SCO1: variants seen among roughly 807,000 people sequenced by gnomAD.
SCO1 encodes synthesis of cytochrome C oxidase 1, also known as cytochrome c oxidase assembly factor SCO1.
In SCO1, 23 loss-of-function variants were observed where a neutral mutation model predicts 34.0. The observed-to-expected ratio is 0.68, with a 90% confidence interval of 0.49 to 0.96. The LOEUF (loss-of-function observed/expected upper bound fraction) is 0.96. Among genes scored for constraint, SCO1 ranks in the 40% least tolerant of loss-of-function variants. The probability of loss-of-function intolerance (pLI) is 0.00; values close to 1 mark genes in which losing one functional copy is unlikely to be tolerated. For missense variants in SCO1, 404 were observed against 381.6 expected (o/e 1.06, Z -0.49); for synonymous variants, 161 against 145.5 (o/e 1.11, Z -0.77).
Position 10,677,736 on chromosome 17 carries a change from T to A in SCO1, c.*3383A>T, listed in dbSNP as rs1415539072. 2 of 152,224 alleles carry A rather than the reference T, an allele frequency of 1.3e-5. No individual in the cohort carries two copies. Among genetic ancestry groups the A allele is most frequent in the African/African-American group, 4.8e-5 (2 of 41,452 alleles). The allele number at this position is 152,224 out of a possible 1,614,324, so 9.4% of individuals were successfully genotyped here. ...ATACTTTTCAAATAAACAAGTGGCATTTCTTAAAATATTAATTCTATTGAA... is the reference window on the plus strand; with the variant it reads ...ATACTTTTCAAATAAACAAGTGGCAATTCTTAAAATATTAATTCTATTGAA... On this transcript the variant is annotated 3_prime_UTR_variant, in exon 6 of 6. Coordinates refer to ENST00000255390, the MANE Select transcript of SCO1 (RefSeq NM_004589.4).
chr17:10,678,588 G>T lies in SCO1; in HGVS notation c.*2531C>A, dbSNP rs2074597836. 1 of 152,200 alleles carries T rather than the reference G, an allele frequency of 6.6e-6. No homozygotes were observed. The highest frequency in any genetic ancestry group is 1.5e-5 in the Non-Finnish European group (1 of 68,044). 9.4% of individuals were successfully genotyped at this position (152,200 alleles called of 1,614,324 possible). On this transcript the variant is annotated 3_prime_UTR_variant, in exon 6 of 6. Coordinates refer to ENST00000255390, the MANE Select transcript of SCO1 (RefSeq NM_004589.4). ...GCTTAAAACAGATAATCTTTTTAAA[G>T]ATTTGGCCTTTGAGATACTTAATAT...
chr17:10,696,500 C>A (rs1199843283), intron 1 of SCO1, among the ~76,000 whole-genome samples: 1 of 152,172 alleles, frequency 6.6e-6, no homozygotes, highest in Admixed American at 6.5e-5. Flanking sequence ...TCTGCTTATG[C>A]TGATACTGAG....
Position 10,681,061 on chromosome 17 carries a change from G to A in SCO1, c.*58C>T. 7 of 1,597,734 alleles carry A rather than the reference G, an allele frequency of 4.4e-6. No homozygotes were observed. Among genetic ancestry groups the A allele is most frequent in the Non-Finnish European group, 5.1e-6 (6 of 1,165,262 alleles). On this transcript the variant is annotated 3_prime_UTR_variant, in exon 6 of 6. Transcript: ENST00000255390. The stretch of plus-strand genomic sequence containing the variant: ...TGTTTATATTTATATAGGCTCCTAT[G>A]CGAGACAGTTTCCTTCCTCTTAGCA...
chr17:10,690,754 C>G (rs947386848), intron 4 of SCO1, among the ~76,000 whole-genome samples: 6 of 152,140 alleles, frequency 3.9e-5, no homozygotes, highest in Admixed American at 3.3e-4. Context: ...TACCACAGCA[C>G]TAATCACAAT....
At chr17:10,689,415 CATATA>C (rs1203263137) in intron 4 of SCO1, among the ~76,000 whole-genome samples, 15 of 148,834 alleles carry the variant, frequency 1.0e-4, no homozygotes, top group Non-Finnish European at 2.2e-4. Flanking sequence ...TTGAATGTGT[CATATA>C]ATATAAATAT....
chr17:10,678,219 TCAC>T lies in SCO1; in HGVS notation c.*2897_*2899del, dbSNP rs1357064357. On this transcript the variant is annotated 3_prime_UTR_variant, in exon 6 of 6. Transcript: ENST00000255390. Reference sequence around the variant, plus strand: ...TACGGAACCTCCGTTTTGGTTGGATTCACACAGTCACCATAAGCGCACGATAGC... The same window carrying T: ...TACGGAACCTCCGTTTTGGTTGGATTACAGTCACCATAAGCGCACGATAGC... The T allele has an allele frequency of 6.6e-6, 1 of 152,210 alleles. No individual in the cohort carries two copies. Among genetic ancestry groups the T allele is most frequent in the Non-Finnish European group, 1.5e-5 (1 of 68,038 alleles). The allele number at this position is 152,210 out of a possible 1,614,324, so 9.4% of individuals were successfully genotyped here. A position where few individuals can be genotyped will look rare whatever the true frequency, so the allele number is the denominator to read the frequency against.
chr17:10,673,768 T>A lies in SCO1; in HGVS notation c.*7351A>T, dbSNP rs1188001616. 1 of 152,198 alleles carries A rather than the reference T, an allele frequency of 6.6e-6. No homozygotes were observed. Among genetic ancestry groups the A allele is most frequent in the East Asian group, 1.9e-4 (1 of 5,190 alleles). 9.4% of individuals were successfully genotyped at this position (152,198 alleles called of 1,614,324 possible). A position where few individuals can be genotyped will look rare whatever the true frequency, so the allele number is the denominator to read the frequency against. ...GGCCCCACAGGGTAACCAAGCAGCA[T>A]CTCTCCCTGCTTTTTGATCATATTA... is the stretch of plus-strand genomic sequence containing the variant. On this transcript the variant is annotated 3_prime_UTR_variant, in exon 6 of 6. Transcript: ENST00000255390.
At chr17:10,689,111 G>A (rs1567574847) in intron 4 of SCO1, among the ~76,000 whole-genome samples, 1 of 33,824 alleles carries the variant, frequency 3.0e-5, no homozygotes. Context: ...GCGAGACTCC[G>A]TCTCAAAAAA....
At chr17:10,685,507 G>C (rs1567573889) in intron 5 of SCO1, among the ~76,000 whole-genome samples, 1 of 152,138 alleles carries the variant, frequency 6.6e-6, no homozygotes, top group African/African-American at 2.4e-5. Context: ...AAGGCTTCTG[G>C]GGCAGTGCTG....
chr17:10,681,340 T>G, intron 5 of SCO1, 87 bp from the exon 6 acceptor site: 1 of 1,358,816 alleles, frequency 7.4e-7, no homozygotes, highest in Non-Finnish European at 1.0e-6. Flanking sequence ...ATAAGAGAAC[T>G]TTACATTAAT....
Position 10,678,396 on chromosome 17 carries a change from C to T in SCO1, c.*2723G>A, listed in dbSNP as rs2074596111. ...CCACTTCTAACATTCTGACTTCAAGCCTTTAAACTTGACACTAGAATGAAG... is the reference window on the plus strand; with the variant it reads ...CCACTTCTAACATTCTGACTTCAAGTCTTTAAACTTGACACTAGAATGAAG... On this transcript the variant is annotated 3_prime_UTR_variant, in exon 6 of 6. Transcript: ENST00000255390. The T allele has an allele frequency of 6.6e-6, 1 of 152,154 alleles. No individual in the cohort carries two copies. The highest frequency in any genetic ancestry group is 6.5e-5 in the Admixed American group (1 of 15,284). The allele number at this position is 152,154 out of a possible 1,614,324, so 9.4% of individuals were successfully genotyped here.
In SCO1 at chr17:10,681,101, C is replaced by T. The variant is rs114082934; in HGVS notation, c.*18G>A. The T allele has an allele frequency of 2.1e-4, 344 of 1,614,148 alleles. 1 individual carries two copies. In the African/African-American group the frequency reaches 3.9e-3, roughly 18 times the overall value. On this transcript the variant is annotated 3_prime_UTR_variant, in exon 6 of 6. Coordinates refer to ENST00000255390, the MANE Select transcript of SCO1 (RefSeq NM_004589.4). ...TCCTCTTAGCAAGAGAATACTGCAT[C>T]CAGCAACACTGCTTTGGCTAGCTCT...
Position 10,680,800 on chromosome 17 carries a change from C to A in SCO1, c.*319G>T. 2.4e-6 allele frequency: 1 copy of A among 413,872 alleles called. No individual in the cohort carries two copies. The highest frequency in any genetic ancestry group is 5.2e-5 in the East Asian group (1 of 19,092). The allele number at this position is 413,872 out of a possible 1,614,324, so 25.6% of individuals were successfully genotyped here. A position where few individuals can be genotyped will look rare whatever the true frequency, so the allele number is the denominator to read the frequency against. Reference sequence around the variant, plus strand: ...GGCAAAGCTGCTGGGAGGGCCTGTTCGCAGGCAGGAATGCACTGGCTGTGC... The same window carrying A: ...GGCAAAGCTGCTGGGAGGGCCTGTTAGCAGGCAGGAATGCACTGGCTGTGC... On this transcript the variant is annotated 3_prime_UTR_variant, in exon 6 of 6. Transcript: ENST00000255390.
chr17:10,690,992 C>T (rs1033081372), intron 4 of SCO1, among the ~76,000 whole-genome samples: 1 of 152,130 alleles, frequency 6.6e-6, no homozygotes. Context: ...AAGTTGATCT[C>T]ACAGAAGTAG....
intron 4 of SCO1, among the ~76,000 whole-genome samples, chr17:10,688,924 G>T (rs1028053482): frequency 2.8e-5 from 4 of 141,548 alleles, no homozygotes; most frequent in African/African-American, 1.3e-4. Context: ...AGACCATCCC[G>T]GCTAAAACGG....
intron 4 of SCO1, among the ~76,000 whole-genome samples, chr17:10,690,397 C>T (rs1418125137): frequency 6.6e-6 from 1 of 152,122 alleles, no homozygotes; most frequent in East Asian, 1.9e-4. Flanking sequence ...AGACATTTCT[C>T]AATAGAAGGC....
Position 10,679,143 on chromosome 17 carries a change from T to A in SCO1, c.*1976A>T, listed in dbSNP as rs1428135048. 1.3e-5 allele frequency: 2 copies of A among 152,282 alleles called. No homozygotes were observed. The highest frequency in any genetic ancestry group is 3.8e-4 in the East Asian group (2 of 5,202). The allele number at this position is 152,282 out of a possible 1,614,324, so 9.4% of individuals were successfully genotyped here. ...GTATTTTTAGGAGAGAGACGACGTTTCACCATGTTGGCCAGGCTGGTCTCG... is the reference window on the plus strand; with the variant it reads ...GTATTTTTAGGAGAGAGACGACGTTACACCATGTTGGCCAGGCTGGTCTCG... On this transcript the variant is annotated 3_prime_UTR_variant, in exon 6 of 6. Coordinates refer to ENST00000255390, the MANE Select transcript of SCO1 (RefSeq NM_004589.4).
Position 10,679,689 on chromosome 17 carries a change from CTA to C in SCO1, c.*1428_*1429del, listed in dbSNP as rs1310330511. The C allele has an allele frequency of 6.6e-6, 1 of 152,182 alleles. No individual in the cohort carries two copies. Among genetic ancestry groups the C allele is most frequent in the African/African-American group, 2.4e-5 (1 of 41,444 alleles). 9.4% of individuals were successfully genotyped at this position (152,182 alleles called of 1,614,324 possible). A position where few individuals can be genotyped will look rare whatever the true frequency, so the allele number is the denominator to read the frequency against. On this transcript the variant is annotated 3_prime_UTR_variant, in exon 6 of 6. Coordinates refer to ENST00000255390, the MANE Select transcript of SCO1 (RefSeq NM_004589.4). ...TTAGAAACAAAAGCCAAGATTCATT[CTA>C]TCACTCAATAATCATTTTCTTCAAT...
intron 5 of SCO1, among the ~76,000 whole-genome samples, chr17:10,683,266 T>C (rs1435104501): frequency 6.6e-6 from 1 of 152,156 alleles, no homozygotes; most frequent in African/African-American, 2.4e-5. Flanking sequence ...TCTACAGTAC[T>C]TGCTTTCTCA....
Sources: gnomAD v4.1 joint callset for allele counts (sites outside exome capture counted in the v4.1 genomes callset) on GRCh38, gnomAD v4.1.1 for gene constraint, MANE v1.5 for transcripts, NCBI Gene and HGNC (gene_info 2026-07-23, HGNC 2026-07-21) for gene names.